OSBPL1A: variants seen among roughly 807,000 people sequenced by gnomAD.
OSBPL1A encodes the protein oxysterol binding protein like 1A.
OSBPL1A carries 80 observed loss-of-function variants against 137.1 expected under a neutral mutation model. That is an observed-to-expected ratio of 0.58 (90% CI 0.49 to 0.70). The LOEUF (loss-of-function observed/expected upper bound fraction) is 0.70. OSBPL1A is among the 30% of genes least tolerant of loss of function. The pLI, the probability that OSBPL1A is intolerant of heterozygous loss-of-function variation, is 0.00. For missense variants in OSBPL1A, 970 were observed against 1,129.4 expected (o/e 0.86, Z 2.02); for synonymous variants, 365 against 389.7 (o/e 0.94, Z 0.75).
chr18:24,200,037 A>G (rs2087170934), intron 17 of OSBPL1A, among the ~76,000 whole-genome samples: 1 of 152,108 alleles, frequency 6.6e-6, no homozygotes, highest in Non-Finnish European at 1.5e-5. Context: ...TTAGTAATTT[A>G]TTTTATTTAA....
At chr18:24,212,452 A>G (rs901273525) in intron 17 of OSBPL1A, among the ~76,000 whole-genome samples, 8 of 152,208 alleles carry the variant, frequency 5.3e-5, no homozygotes, top group African/African-American at 1.9e-4. Context: ...CCTTATTTTA[A>G]TAAGACAGAA....
At chr18:24,217,810 G>C (rs1312818811) in intron 17 of OSBPL1A, among the ~76,000 whole-genome samples, 1 of 152,122 alleles carries the variant, frequency 6.6e-6, no homozygotes, top group Non-Finnish European at 1.5e-5. Context: ...GTCATAGGAA[G>C]TACCTATGGT....
At chr18:24,356,216 T>C (rs960613783) in intron 4 of OSBPL1A, among the ~76,000 whole-genome samples, 1 of 151,938 alleles carries the variant, frequency 6.6e-6, no homozygotes, top group Non-Finnish European at 1.5e-5. Context: ...GTCCAGTTTC[T>C]GGACCTGAGT....
intron 15 of OSBPL1A, among the ~76,000 whole-genome samples, chr18:24,279,347 T>C (rs1462036597): frequency 6.6e-6 from 1 of 151,908 alleles, no homozygotes; most frequent in Non-Finnish European, 1.5e-5. Context: ...GAGGATCACT[T>C]GAGCCCAGGA....
At position 24,253,819 on chromosome 18, in the gene OSBPL1A, T is replaced by C. The variant is rs539962398; in HGVS notation, c.1282-14437A>G. Among the ~76,000 whole-genome samples the C allele has an allele frequency of 2.1e-4, 32 of 152,294 alleles. 1 individual carries two copies. In the South Asian group the frequency reaches 6.6e-3, roughly 32 times the overall value. On this transcript the variant is annotated intron_variant, in intron 15 of 27. Transcript: ENST00000319481. ...CAAGCACTGACCTTAGGTTTTACAA[T>C]GCTGATGTTATCCCCAGGAGGAATT...
chr18:24,290,873 GGAA>G (rs892600643), intron 14 of OSBPL1A, among the ~76,000 whole-genome samples: 45 of 152,076 alleles, frequency 3.0e-4, no homozygotes, highest in African/African-American at 1.1e-3. Context: ...AGGGATGCAG[GGAA>G]GAAGGACACT....
At chr18:24,394,675 C>T (rs2144294389) in intron 1 of OSBPL1A, among the ~76,000 whole-genome samples, 1 of 152,234 alleles carries the variant, frequency 6.6e-6, no homozygotes, top group East Asian at 1.9e-4. Flanking sequence ...TGAAAATTAT[C>T]TTTCAAACTC....
chr18:24,226,182 C>T (rs536122328), intron 16 of OSBPL1A, among the ~76,000 whole-genome samples: 4 of 152,056 alleles, frequency 2.6e-5, no homozygotes, highest in South Asian at 2.1e-4. Flanking sequence ...ACGACAGTAG[C>T]GTTTTCAGGC....
chr18:24,390,378 T>C (rs1053770724), intron 1 of OSBPL1A, among the ~76,000 whole-genome samples: 2 of 152,138 alleles, frequency 1.3e-5, no homozygotes, highest in Non-Finnish European at 2.9e-5. Context: ...ACGTGACATA[T>C]ACAAGGGAAT....
At chr18:24,182,706 G>A (rs1362364236) in intron 18 of OSBPL1A, among the ~76,000 whole-genome samples, 1 of 152,044 alleles carries the variant, frequency 6.6e-6, no homozygotes, top group Non-Finnish European at 1.5e-5. Context: ...TGCATCACTG[G>A]GGAGATGAGG....
intron 15 of OSBPL1A, among the ~76,000 whole-genome samples, chr18:24,256,451 G>T (rs1035666065): frequency 1.3e-5 from 2 of 151,882 alleles, no homozygotes; most frequent in Admixed American, 6.6e-5. Context: ...TCAAAAAACT[G>T]GTATAAAAGG....
At chr18:24,188,451 G>A (rs2086807282) in intron 18 of OSBPL1A, among the ~76,000 whole-genome samples, 1 of 152,210 alleles carries the variant, frequency 6.6e-6, no homozygotes, top group Non-Finnish European at 1.5e-5. Flanking sequence ...AATTCAATAA[G>A]TAGATTTATT....
At chr18:24,315,730 TTA>T (rs1227686904) in intron 11 of OSBPL1A, among the ~76,000 whole-genome samples, 3 of 121,514 alleles carry the variant, frequency 2.5e-5, no homozygotes, top group African/African-American at 9.7e-5. Context: ...ATGTAATATA[TTA>T]TATAATAAAA....
intron 18 of OSBPL1A, among the ~76,000 whole-genome samples, chr18:24,187,041 A>G (rs1171584143): frequency 3.3e-5 from 5 of 152,188 alleles, no homozygotes; most frequent in African/African-American, 9.7e-5. Context: ...TAAAATGGAT[A>G]AGGAAAAATT....
Position 24,197,890 on chromosome 18 carries a change from G to A in OSBPL1A, c.1602-1690C>T, listed in dbSNP as rs577395726. On this transcript the variant is annotated intron_variant, in intron 17 of 27. Transcript: ENST00000319481. ...GCAACCCTGCCTCCCGGGTTCAAGC[G>A]ATTCTCCTGTGTCAGCCTCCCGAGT... 4.2e-4 allele frequency among the ~76,000 whole-genome samples: 63 copies of A among 150,908 alleles called. 1 individual carries two copies. In the South Asian group the frequency reaches 0.013, roughly 31 times the overall value.
chr18:24,340,703 G>C (rs1340865341), intron 5 of OSBPL1A, among the ~76,000 whole-genome samples: 1 of 152,154 alleles, frequency 6.6e-6, no homozygotes, highest in African/African-American at 2.4e-5. Context: ...TTACTTGGGA[G>C]GCTGAGGCAG....
At chr18:24,333,191 C>A in intron 6 of OSBPL1A, 105 bp from the exon 7 acceptor site, 1 of 1,260,344 alleles carries the variant, frequency 7.9e-7, no homozygotes, top group Non-Finnish European at 1.1e-6. Flanking sequence ...TAGCCAAGCT[C>A]CTTGGCATCC....
In OSBPL1A at chr18:24,196,191, C is replaced by T. The variant is rs1457209552; in HGVS notation, c.1611G>A (p.Leu537=). The T allele has an allele frequency of 6.2e-7, 1 of 1,607,614 alleles. No individual in the cohort carries two copies. The highest frequency in any genetic ancestry group is 1.3e-5 in the African/African-American group (1 of 74,776). ...SNGIKKHRTS[L]PSPMFSRNDF... Reference sequence around the variant, plus strand: ...CATTTCTGGAAAACATAGGAGAAGGCAAACTTGTTCTGAAAAAAGAAAAGA... The same window carrying T: ...CATTTCTGGAAAACATAGGAGAAGGTAAACTTGTTCTGAAAAAAGAAAAGA... The change falls in exon 18 of 28, where the codon TTG becomes TTA. Residue 537 remains leucine, a synonymous_variant. Coordinates refer to ENST00000319481, the MANE Select transcript of OSBPL1A (RefSeq NM_080597.4).
intron 18 of OSBPL1A, chr18:24,195,869 C>T: frequency 4.6e-6 from 2 of 433,878 alleles, no homozygotes; most frequent in South Asian, 4.5e-5. Context: ...TATAAATGTG[C>T]TGTGTCAACA....
Sources: allele counts gnomAD v4.1 joint callset (sites outside exome capture counted in the v4.1 genomes callset), GRCh38; gene constraint gnomAD v4.1.1; transcripts MANE v1.5; gene names NCBI Gene and HGNC (gene_info 2026-07-23, HGNC 2026-07-21).